CSMD2: variants seen among roughly 807,000 people sequenced by gnomAD.
The protein encoded by CSMD2 is CUB and Sushi multiple domains 2, also known as CUB and sushi domain-containing protein 2.
Under a neutral mutation model 398.5 loss-of-function variants are expected in CSMD2, and 130 were observed. The observed-to-expected ratio is 0.33, with a 90% confidence interval of 0.28 to 0.38. The LOEUF (loss-of-function observed/expected upper bound fraction) is 0.38, where lower values mean the gene tolerates loss of function less well. CSMD2 is among the 10% of genes least tolerant of loss of function. The pLI is 1.00. For synonymous variants in CSMD2, 1,828 were observed against 1,908.5 expected (o/e 0.96, Z 1.10); for missense variants, 3,829 against 4,764.9 (o/e 0.80, Z 5.78).
chr1:34,098,617 T>C (rs1659641413), intron 1 of CSMD2, among the ~76,000 whole-genome samples: 1 of 151,948 alleles, frequency 6.6e-6, no homozygotes, highest in Admixed American at 6.6e-5. Context: ...ATTGCATGAA[T>C]ATCTTTAATG....
At chr1:33,798,855 A>G (rs925526983) in intron 10 of CSMD2, among the ~76,000 whole-genome samples, 1 of 152,202 alleles carries the variant, frequency 6.6e-6, no homozygotes, top group African/African-American at 2.4e-5. Context: ...GCTGTCCAGG[A>G]TTAGCCAAAA....
In CSMD2 at chr1:33,709,278, A is replaced by T; in HGVS notation, c.3407-20T>A. 6.2e-7 allele frequency: 1 copy of T among 1,607,096 alleles called. No homozygotes were observed. The highest frequency in any genetic ancestry group is 8.5e-7 in the Non-Finnish European group (1 of 1,176,182). On this transcript the variant is annotated intron_variant, in intron 21 of 70. Coordinates refer to ENST00000373381, the MANE Select transcript of CSMD2 (RefSeq NM_001281956.2). ...ACTCAGCTGGAAAGAGAATCACAAT[A>T]ACCATAGATTAACCCCCATCAGCTG...
chr1:34,019,039 G>A (rs930831319), intron 3 of CSMD2, among the ~76,000 whole-genome samples: 1 of 152,184 alleles, frequency 6.6e-6, no homozygotes, highest in Non-Finnish European at 1.5e-5. Context: ...CTTACTAGCT[G>A]TGTGACCTCA....
intron 3 of CSMD2, among the ~76,000 whole-genome samples, chr1:33,989,012 C>CT (rs1646454685): frequency 2.0e-5 from 1 of 49,050 alleles, no homozygotes; most frequent in African/African-American, 7.4e-5. Context: ...CTCTCTCTCT[C>CT]CATATATATA....
chr1:34,060,016 T>G (rs1654286795), intron 2 of CSMD2, among the ~76,000 whole-genome samples: 1 of 152,208 alleles, frequency 6.6e-6, no homozygotes, highest in African/African-American at 2.4e-5. Flanking sequence ...ATTGGCTCCT[T>G]GGATTTCATC....
intron 32 of CSMD2, among the ~76,000 whole-genome samples, chr1:33,629,116 C>T (rs1454091822): frequency 6.7e-6 from 1 of 148,796 alleles, no homozygotes; most frequent in Non-Finnish European, 1.5e-5. Context: ...CAGACACCAG[C>T]AGGGATAAAT....
chr1:34,076,928 A>AAAAAAAAAAAAAAAAAAAAAATATATAT (rs1232288848), intron 2 of CSMD2, among the ~76,000 whole-genome samples: 2 of 53,600 alleles, frequency 3.7e-5, no homozygotes, highest in African/African-American at 1.7e-4. Context: ...AAAAAAAAAA[A>AAAAAAAAAAAAAAAAAAAAAATATATAT]ATATATATAT....
At chr1:33,988,488 C>T (rs915436212) in intron 3 of CSMD2, among the ~76,000 whole-genome samples, 4 of 152,230 alleles carry the variant, frequency 2.6e-5, no homozygotes, top group African/African-American at 7.2e-5. Flanking sequence ...ATGTTGCCCT[C>T]TCTGTTTCAT....
In CSMD2 at chr1:33,935,742, C is replaced by T. The variant is rs1188341115; in HGVS notation, c.712+18G>A. 1.9e-6 allele frequency: 3 copies of T among 1,584,036 alleles called. No individual in the cohort carries two copies. The highest frequency in any genetic ancestry group is 1.2e-5 in the South Asian group (1 of 84,062). ...CAGCCACTGCCCCACTCTGTCAGAC[C>T]CCTTGCTGGCCACCTACCTCTGCAG... On this transcript the variant is annotated intron_variant, in intron 4 of 70. Coordinates refer to ENST00000373381, the MANE Select transcript of CSMD2 (RefSeq NM_001281956.2).
chr1:34,164,340 G>T lies in CSMD2; in HGVS notation c.187+571C>A, dbSNP rs923674091. 1.5e-4 allele frequency among the ~76,000 whole-genome samples: 23 copies of T among 152,118 alleles called. No homozygotes were observed. The highest frequency in any genetic ancestry group is 3.1e-4 in the Non-Finnish European group (21 of 68,012). On this transcript the variant is annotated intron_variant, in intron 1 of 70. Transcript: ENST00000373381. This position sits in a 1 kb window ranked among gnomAD's most constrained non-coding sequence, Gnocchi z 6.2. ...TCCTAGCTCCGAGCGCCGAGGGAGG[G>T]GTAGCATTTGAGGAGGGGGATGGCG... is the stretch of plus-strand genomic sequence containing the variant.
At chr1:34,140,775 TTC>T (rs1447898624) in intron 1 of CSMD2, among the ~76,000 whole-genome samples, 1 of 152,140 alleles carries the variant, frequency 6.6e-6, no homozygotes, top group Non-Finnish European at 1.5e-5. Flanking sequence ...AACAACACTT[TTC>T]TCTGAGGTCC....
At chr1:33,622,386 G>A (rs1641828735) in intron 36 of CSMD2, 115 bp from the exon 37 acceptor site, 3 of 726,080 alleles carry the variant, frequency 4.1e-6, no homozygotes, top group Non-Finnish European at 7.5e-6. Context: ...AAGGCCCCCA[G>A]ATGTCCCCAG....
At chr1:33,945,048 C>T (rs1431299072) in intron 3 of CSMD2, among the ~76,000 whole-genome samples, 3 of 152,100 alleles carry the variant, frequency 2.0e-5, no homozygotes, top group African/African-American at 7.2e-5. Flanking sequence ...AGACATCCAT[C>T]ATTGCACCAG....
At chr1:33,544,048 C>T (rs1345560254) in intron 57 of CSMD2, among the ~76,000 whole-genome samples, 2 of 151,748 alleles carry the variant, frequency 1.3e-5, no homozygotes, top group African/African-American at 2.4e-5. Context: ...TTAACATGAC[C>T]TCAGTTATCT....
intron 25 of CSMD2, among the ~76,000 whole-genome samples, chr1:33,667,196 C>T (rs1241499520): frequency 6.6e-6 from 1 of 152,096 alleles, no homozygotes; most frequent in Non-Finnish European, 1.5e-5. Context: ...TGAGGGTGAA[C>T]AACTGAATGA....
In CSMD2 at chr1:33,935,935, A is replaced by G; in HGVS notation, c.537T>C (p.Cys179=). The G allele has an allele frequency of 1.9e-6, 3 of 1,611,674 alleles. No homozygotes were observed. In the South Asian group the frequency reaches 3.3e-5, roughly 18 times the overall value. Residue 179 remains cysteine (C), a synonymous_variant, in exon 4 of 71, where the codon TGT becomes TGC. Transcript: ENST00000373381. ...CATTGGGCAGCCTCCCTGGGTTCCC[A>G]CATGTGTGGCTGGGGAGAACTGTGA... is the stretch of plus-strand genomic sequence containing the variant. ...ATYEVLPSHT[C]GNPGRLPNGI... is the part of the protein sequence containing the mutation.
At chr1:34,026,808 A>C (rs1649711940) in intron 3 of CSMD2, among the ~76,000 whole-genome samples, 1 of 152,208 alleles carries the variant, frequency 6.6e-6, no homozygotes, top group Non-Finnish European at 1.5e-5. Context: ...AACATCAGAT[A>C]GAGACACACT....
chr1:33,940,348 G>T (rs1201198549), intron 3 of CSMD2, among the ~76,000 whole-genome samples: 1 of 152,058 alleles, frequency 6.6e-6, no homozygotes, highest in Non-Finnish European at 1.5e-5. Context: ...GGTACTGGGG[G>T]TTAAGTCTTC....
intron 1 of CSMD2, among the ~76,000 whole-genome samples, chr1:34,122,504 C>T (rs1662295022): frequency 6.6e-6 from 1 of 152,186 alleles, no homozygotes; most frequent in South Asian, 2.1e-4. Flanking sequence ...AATCCTCTTC[C>T]TCATGCAAAG....
Sources: gnomAD v4.1 joint callset for allele counts (sites outside exome capture counted in the v4.1 genomes callset) on GRCh38, gnomAD v4.1.1 for gene constraint, Gnocchi (gnomAD v3.1) non-coding constraint, MANE v1.5 for transcripts, NCBI Gene and HGNC (gene_info 2026-07-23, HGNC 2026-07-21) for gene names.